CIITA: variants seen among roughly 807,000 people sequenced by gnomAD.
The protein encoded by CIITA is MHC class II transactivator.
CIITA carries 72 observed loss-of-function variants against 115.1 expected under a neutral mutation model. The ratio of observed to expected loss-of-function variants is 0.63; its 90% CI spans 0.52 to 0.76. CIITA has a LOEUF of 0.76. Among genes scored for constraint, CIITA ranks in the 30% least tolerant of loss-of-function variants. The pLI, the probability that CIITA is intolerant of heterozygous loss-of-function variation, is 0.00. For missense variants in CIITA, 1,617 were observed against 1,463.8 expected (o/e 1.10, Z -1.71); for synonymous variants, 763 against 635.6 (o/e 1.20, Z -3.02).
At chr16:10,889,923 T>A (rs1367628256) in intron 1 of CIITA, among the ~76,000 whole-genome samples, 1 of 152,234 alleles carries the variant, frequency 6.6e-6, no homozygotes, top group Non-Finnish European at 1.5e-5. Context: ...GGACAAGCCA[T>A]TTCACTGAGG....
At chr16:10,939,099 G>T (rs1268388911), downstream of CIITA, 1 of 152,184 alleles carries the variant, frequency 6.6e-6, no homozygotes, top group African/African-American at 2.4e-5. This position sits in a 1 kb window ranked among gnomAD's most constrained non-coding sequence, Gnocchi z 4.9. Flanking sequence ...GAGTGCATAT[G>T]CAAAGGGCCT....
At chr16:10,872,315 G>C (rs139874964), upstream of CIITA, among the ~76,000 whole-genome samples, 4,712 of 152,110 alleles carry the variant, frequency 0.031, 94 homozygotes, top group Middle Eastern at 0.044. Context: ...TAGAGACAGG[G>C]TTTCATCATG....
chr16:10,914,429 T>C (rs2039809845), intron 13 of CIITA, among the ~76,000 whole-genome samples: 1 of 152,236 alleles, frequency 6.6e-6, no homozygotes, highest in Non-Finnish European at 1.5e-5. Context: ...GGTTACTGTT[T>C]TTTAATGTTT....
upstream of CIITA, chr16:10,866,256 G>C (rs770889339): frequency 3.9e-5 from 21 of 535,170 alleles, no homozygotes; most frequent in South Asian, 3.2e-4. Flanking sequence ...TCCAGGCACT[G>C]GCCAGGGCAG....
intron 1 of CIITA, among the ~76,000 whole-genome samples, chr16:10,869,087 C>A (rs939763833): frequency 2.0e-5 from 3 of 152,228 alleles, no homozygotes; most frequent in African/African-American, 7.2e-5. Context: ...AGGAAATCAT[C>A]CATGTGGGGT....
Position 10,929,593 on chromosome 16 carries a change from G to A in CIITA, c.*5738G>A, listed in dbSNP as rs987590907. 55 of 982,956 alleles carry A rather than the reference G, an allele frequency of 5.6e-5. No individual in the cohort carries two copies. The highest frequency in any genetic ancestry group is 7.0e-5 in the African/African-American group (4 of 57,168). The allele number at this position is 982,956 out of a possible 1,614,324, so 60.9% of individuals were successfully genotyped here. A position where few individuals can be genotyped will look rare whatever the true frequency, so the allele number is the denominator to read the frequency against. ...AAGGAAAAAGGGGGGTTATTAGCAC[G>A]GAAGCCCCACCCTGCCACCAGGTTG... On this transcript the variant is annotated 3_prime_UTR_variant, in exon 20 of 20. Coordinates refer to ENST00000324288, the MANE Select transcript of CIITA (RefSeq NM_000246.4). The surrounding 1 kb of genome is among the most constrained non-coding windows in gnomAD (Gnocchi z 4.3).
In CIITA at chr16:10,923,350, G is replaced by A. The variant is rs1454851748; in HGVS notation, c.*22+25G>A. The A allele has an allele frequency of 7.4e-7, 1 of 1,346,120 alleles. No homozygotes were observed. Among genetic ancestry groups the A allele is most frequent in the Admixed American group, 1.7e-5 (1 of 59,380 alleles). 83.4% of individuals were successfully genotyped at this position (1,346,120 alleles called of 1,614,324 possible). ...GGTAACCAGGGTGGGCTTGGGAGGGGAGAGCCGCAGTGGGTTGGGGGCAGT... is the reference window on the plus strand; with the variant it reads ...GGTAACCAGGGTGGGCTTGGGAGGGAAGAGCCGCAGTGGGTTGGGGGCAGT... On this transcript the variant is annotated intron_variant, in intron 19 of 19. Coordinates refer to ENST00000324288, the MANE Select transcript of CIITA (RefSeq NM_000246.4). This position sits in a 1 kb window ranked among gnomAD's most constrained non-coding sequence, Gnocchi z 5.2.
At chr16:10,870,137 T>G (rs2143221938) in intron 1 of CIITA, among the ~76,000 whole-genome samples, 1 of 129,038 alleles carries the variant, frequency 7.7e-6, no homozygotes, top group East Asian at 2.3e-4. Flanking sequence ...CTATGGGGTC[T>G]CATGAGTCCT....
downstream of CIITA, chr16:10,940,578 G>T (rs570421572): frequency 6.6e-6 from 1 of 152,494 alleles, no homozygotes; most frequent in African/African-American, 2.4e-5. The surrounding 1 kb of genome is among the most constrained non-coding windows in gnomAD (Gnocchi z 4.2). Flanking sequence ...CTGAGCCAAG[G>T]CGTTCCTGCC....
intron 9 of CIITA, 71 bp downstream of exon 9, chr16:10,903,966 A>G: frequency 6.2e-7 from 1 of 1,601,808 alleles, no homozygotes; most frequent in Admixed American, 1.7e-5. Flanking sequence ...ATTGTCTCAA[A>G]TAAGATCCAC....
intron 1 of CIITA, among the ~76,000 whole-genome samples, chr16:10,880,464 G>T (rs745544862): frequency 6.6e-6 from 1 of 152,342 alleles, no homozygotes; most frequent in African/African-American, 2.4e-5. Context: ...CAGAAAAGGA[G>T]TACCAGGAGG....
chr16:10,909,275 C>A, intron 12 of CIITA, 88 bp downstream of exon 12: 1 of 1,385,338 alleles, frequency 7.2e-7, no homozygotes, highest in Non-Finnish European at 1.0e-6. Flanking sequence ...TGGGCATTTC[C>A]AGTGCCCCCT....
downstream of CIITA, chr16:10,940,285 G>C (rs1360997900): frequency 6.6e-6 from 1 of 152,234 alleles, no homozygotes; most frequent in African/African-American, 2.4e-5. The surrounding 1 kb of genome is among the most constrained non-coding windows in gnomAD (Gnocchi z 4.2). Flanking sequence ...GAGCCTTCAT[G>C]GGTGGGATTA....
chr16:10,895,469 C>G (rs1002150663), intron 2 of CIITA, 41 bp downstream of exon 2: 14 of 1,610,436 alleles, frequency 8.7e-6, no homozygotes, highest in Non-Finnish European at 1.1e-5. Context: ...TATCCCCCAC[C>G]CCTCAGCTTG....
At chr16:10,871,503 A>G (rs1007519969) in intron 1 of CIITA, among the ~76,000 whole-genome samples, 5 of 152,168 alleles carry the variant, frequency 3.3e-5, no homozygotes, top group African/African-American at 1.2e-4. Flanking sequence ...ATTTTTGCCC[A>G]TGAGGTCTCA....
Position 10,907,795 on chromosome 16 carries a change from G to T in CIITA, c.2303G>T (p.Arg768Leu), listed in dbSNP as rs1350360156. ...GGGCTGATCTTCCAGCCTCCCGCCCGCTGCCTGGGAGCCCTACTCGGGCCA... is the reference window on the plus strand; with the variant it reads ...GGGCTGATCTTCCAGCCTCCCGCCCTCTGCCTGGGAGCCCTACTCGGGCCA... The part of the protein sequence containing the change: ...LAGLIFQPPA[R>L]CLGALLGPSA... The change falls in exon 11 of 20, where the codon CGC (arginine) becomes CTC (leucine). Residue 768 changes from arginine (R) to leucine (L), a missense_variant. Transcript: ENST00000324288. This position sits in a 1 kb window ranked among gnomAD's most constrained non-coding sequence, Gnocchi z 5.0. 1.5e-5 allele frequency: 25 copies of T among 1,614,146 alleles called. No homozygotes were observed. Among genetic ancestry groups the T allele is most frequent in the Non-Finnish European group, 1.9e-5 (23 of 1,180,008 alleles).
intron 1 of CIITA, among the ~76,000 whole-genome samples, chr16:10,890,642 A>T: frequency 6.6e-6 from 1 of 152,128 alleles, no homozygotes. Context: ...TATGCAAAAG[A>T]ACAGAAAGCT....
At position 10,902,188 on chromosome 16, in the gene CIITA, T is replaced by C; in HGVS notation, c.628+4T>C. 2.5e-6 allele frequency: 4 copies of C among 1,613,942 alleles called. No individual in the cohort carries two copies. The highest frequency in any genetic ancestry group is 2.5e-6 in the Non-Finnish European group (3 of 1,179,970). On this transcript the variant is annotated splice_donor_region_variant and intron_variant, in intron 7 of 19. Coordinates refer to ENST00000324288, the MANE Select transcript of CIITA (RefSeq NM_000246.4). ...GAGAAAACCGACCAGATTCCCAGTA[T>C]GTTAGGGGGCTTGGAGAGAGTGGGC...
chr16:10,890,119 C>A (rs971409498), intron 1 of CIITA, among the ~76,000 whole-genome samples: 1 of 152,028 alleles, frequency 6.6e-6, no homozygotes, highest in Non-Finnish European at 1.5e-5. Context: ...GGAAGTGGGG[C>A]GCTGAAATGT....
Sources: gnomAD v4.1 joint callset for allele counts (sites outside exome capture counted in the v4.1 genomes callset) on GRCh38, gnomAD v4.1.1 for gene constraint, Gnocchi (gnomAD v3.1) non-coding constraint, MANE v1.5 for transcripts, NCBI Gene and HGNC (gene_info 2026-07-23, HGNC 2026-07-21) for gene names.